ELOVL6: variants seen among roughly 807,000 people sequenced by gnomAD.
The protein encoded by ELOVL6 is very long chain fatty acid elongase 6.
ELOVL6 carries 8 observed loss-of-function variants against 31.7 expected under a neutral mutation model. The ratio of observed to expected loss-of-function variants is 0.25; its 90% CI spans 0.15 to 0.45. The LOEUF (loss-of-function observed/expected upper bound fraction) is 0.45. Ranked by LOEUF, ELOVL6 falls within the 20% of genes least tolerant of loss-of-function variation. The pLI, the probability that ELOVL6 is intolerant of heterozygous loss-of-function variation, is 1.00. For missense variants in ELOVL6, 126 were observed against 326.4 expected (o/e 0.39, Z 4.73); for synonymous variants, 101 against 117.7 (o/e 0.86, Z 0.92).
At chr4:110,092,457 CT>C in intron 2 of ELOVL6, among the ~76,000 whole-genome samples, 1 of 152,156 alleles carries the variant, frequency 6.6e-6, no homozygotes, top group South Asian at 2.1e-4. Context: ...ACCAATTTCT[CT>C]TTAATGAACA....
intron 1 of ELOVL6, among the ~76,000 whole-genome samples, chr4:110,114,865 C>CA (rs1383581471): frequency 6.6e-6 from 1 of 152,036 alleles, no homozygotes; most frequent in African/African-American, 2.4e-5. Context: ...AGATTTAAAT[C>CA]AAAACCAAGA....
At chr4:110,193,792 G>A (rs1235699581) in intron 1 of ELOVL6, among the ~76,000 whole-genome samples, 1 of 152,164 alleles carries the variant, frequency 6.6e-6, no homozygotes, top group Non-Finnish European at 1.5e-5. Context: ...CACCAAGGGA[G>A]TGAGTGGGGA....
Position 110,051,587 on chromosome 4 carries a change from C to T in ELOVL6, c.549G>A (p.Leu183=), listed in dbSNP as rs1359544589. Residue 183 remains leucine (L), a synonymous_variant, in exon 4 of 4, where the codon TTG becomes TTA. Coordinates refer to ENST00000302274, the MANE Select transcript of ELOVL6 (RefSeq NM_024090.3). This position sits in a 1 kb window ranked among gnomAD's most constrained non-coding sequence, Gnocchi z 4.8. ...GGGAGACTCGGAAACCTGCCGCCCG[C>T]AAGGCATAGTAAGAGTACATCACGG... ...VHAVMYSYYA[L]RAAGFRVSRK... 6.2e-7 allele frequency: 1 copy of T among 1,614,172 alleles called. No individual in the cohort carries two copies. The highest frequency in any genetic ancestry group is 1.7e-5 in the Admixed American group (1 of 60,030).
chr4:110,082,994 C>T (rs1052679769), intron 2 of ELOVL6, among the ~76,000 whole-genome samples: 2 of 151,338 alleles, frequency 1.3e-5, no homozygotes, highest in South Asian at 4.1e-4. Flanking sequence ...TAGTGCCCAA[C>T]ATGAGCAAAA....
intron 2 of ELOVL6, among the ~76,000 whole-genome samples, chr4:110,077,533 C>A (rs1755680614): frequency 6.6e-6 from 1 of 152,306 alleles, no homozygotes; most frequent in South Asian, 2.1e-4. Context: ...TGGGTCCTGA[C>A]TGTTAGAAGG....
chr4:110,192,359 T>A (rs1759649560), intron 1 of ELOVL6, among the ~76,000 whole-genome samples: 1 of 152,148 alleles, frequency 6.6e-6, no homozygotes, highest in African/African-American at 2.4e-5. Flanking sequence ...GGAAGAAATT[T>A]AAAGCAATCC....
intron 1 of ELOVL6, among the ~76,000 whole-genome samples, chr4:110,135,363 G>A (rs759511801): frequency 6.6e-6 from 1 of 152,174 alleles, no homozygotes; most frequent in Non-Finnish European, 1.5e-5. Flanking sequence ...AATAACTTGC[G>A]TAAGTTTGCA....
chr4:110,187,164 G>A (rs73841823), intron 1 of ELOVL6, among the ~76,000 whole-genome samples: 1,816 of 151,822 alleles, frequency 0.012, 39 homozygotes, highest in African/African-American at 0.04. Context: ...AGAGGCATAT[G>A]AGTAAAAGAG....
At chr4:110,094,425 ATATATATATATAT>A (rs1560820592) in intron 2 of ELOVL6, among the ~76,000 whole-genome samples, 3 of 65,552 alleles carry the variant, frequency 4.6e-5, no homozygotes, top group Admixed American at 2.3e-4. Flanking sequence ...ATATATATAT[ATATATATATATAT>A]ATATAATATA....
intron 1 of ELOVL6, among the ~76,000 whole-genome samples, chr4:110,136,936 T>C (rs190699229): frequency 6.6e-6 from 1 of 152,210 alleles, no homozygotes; most frequent in Admixed American, 6.5e-5. Context: ...GTTAAAGAGC[T>C]GTGACACTCA....
chr4:110,186,285 A>G (rs1759437350), intron 1 of ELOVL6, among the ~76,000 whole-genome samples: 1 of 152,150 alleles, frequency 6.6e-6, no homozygotes, highest in South Asian at 2.1e-4. Context: ...ACCAACCCAC[A>G]CAAAAATGCT....
intron 3 of ELOVL6, among the ~76,000 whole-genome samples, chr4:110,052,346 C>T (rs1328368737): frequency 1.3e-5 from 2 of 152,166 alleles, no homozygotes; most frequent in African/African-American, 4.8e-5. Flanking sequence ...CCCTAAATTA[C>T]ACAGCCTTGC....
intron 2 of ELOVL6, among the ~76,000 whole-genome samples, chr4:110,062,549 C>T (rs565241057): frequency 6.6e-5 from 10 of 152,308 alleles, no homozygotes; most frequent in African/African-American, 1.9e-4. Context: ...AGTGTCACAT[C>T]GTGACACTTT....
chr4:110,196,252 G>C (rs1293951742), intron 1 of ELOVL6, among the ~76,000 whole-genome samples: 2 of 152,210 alleles, frequency 1.3e-5, no homozygotes, highest in Non-Finnish European at 2.9e-5. Flanking sequence ...GACGCAGCAA[G>C]TCAGAGATTC....
chr4:110,103,965 T>C (rs1368995276), intron 2 of ELOVL6, among the ~76,000 whole-genome samples: 1 of 152,212 alleles, frequency 6.6e-6, no homozygotes, highest in Admixed American at 6.5e-5. Context: ...ATAAGAATTA[T>C]TTCAGCCTCT....
At chr4:110,084,085 A>T (rs13119495) in intron 2 of ELOVL6, among the ~76,000 whole-genome samples, 1 of 88,210 alleles carries the variant, frequency 1.1e-5, no homozygotes, top group Non-Finnish European at 2.2e-5. Flanking sequence ...GCTATATATG[A>T]TATATAACAT....
intron 2 of ELOVL6, among the ~76,000 whole-genome samples, chr4:110,082,741 T>C (rs536098519): frequency 5.9e-5 from 9 of 152,262 alleles, no homozygotes; most frequent in Admixed American, 5.9e-4. Flanking sequence ...ACTCAAAGTA[T>C]AATAAAAAAA....
chr4:110,067,065 A>G (rs79773009), intron 2 of ELOVL6, among the ~76,000 whole-genome samples: 2,676 of 152,336 alleles, frequency 0.018, 80 homozygotes, highest in African/African-American at 0.062. Context: ...TTTCAATAAT[A>G]TAATAAGCCA....
rs180782425 is a variant in ELOVL6 at position 110,061,758 on chromosome 4, A to G, written c.222-2004T>C. ...TTTTTAGTAGAGATGGGGTTTCACT[A>G]TGTTGGCCAGGCCGGTCTCAAACTC... On this transcript the variant is annotated intron_variant, in intron 2 of 3. Coordinates refer to ENST00000302274, the MANE Select transcript of ELOVL6 (RefSeq NM_024090.3). Among the ~76,000 whole-genome samples, 407 of 151,854 alleles carry G rather than the reference A, an allele frequency of 2.7e-3. 1 individual carries two copies. The highest frequency in any genetic ancestry group is 9.6e-3 in the African/African-American group (397 of 41,406).
Sources: allele counts gnomAD v4.1 joint callset (sites outside exome capture counted in the v4.1 genomes callset), GRCh38; gene constraint gnomAD v4.1.1; non-coding constraint Gnocchi (gnomAD v3.1); transcripts MANE v1.5; gene names NCBI Gene and HGNC (gene_info 2026-07-23, HGNC 2026-07-21).